The following TMEM140 variants were observed in gnomAD, a reference collection of about 807,000 sequenced individuals.
TMEM140 encodes the protein transmembrane protein 140.
For missense variants in TMEM140, 236 were observed against 228.5 expected, an observed-to-expected ratio of 1.03 and a Z score of -0.21; for synonymous variants, 107 against 106.8, an observed-to-expected ratio of 1.00 and a Z score of -0.01.
intron 1 of TMEM140, among the ~76,000 whole-genome samples, chr7:135,154,526 G>A (rs1585346588): frequency 6.6e-6 from 1 of 152,120 alleles, no homozygotes; most frequent in Admixed American, 6.5e-5. Flanking sequence ...TTCTTTTGCT[G>A]TAACCTGCAG....
intron 1 of TMEM140, among the ~76,000 whole-genome samples, chr7:135,150,264 T>C (rs2117421558): frequency 6.6e-6 from 1 of 152,340 alleles, no homozygotes; most frequent in Admixed American, 6.5e-5. Flanking sequence ...ATATCTCTTC[T>C]GAAGAGAGGC....
intron 1 of TMEM140, among the ~76,000 whole-genome samples, chr7:135,157,308 G>A (rs577032874): frequency 6.6e-6 from 1 of 152,310 alleles, no homozygotes; most frequent in Admixed American, 6.5e-5. Flanking sequence ...GCAGTCGTGT[G>A]ATCTTTCTAT....
chr7:135,151,083 TTA>T lies in TMEM140; in HGVS notation c.-25+2815_-25+2816del, dbSNP rs1829655884. 6.6e-6 allele frequency among the ~76,000 whole-genome samples: 1 copy of T among 152,190 alleles called. No individual in the cohort carries two copies. Among genetic ancestry groups the T allele is most frequent in the Non-Finnish European group, 1.5e-5 (1 of 68,032 alleles). On this transcript the variant is annotated intron_variant, in intron 1 of 1. Coordinates refer to ENST00000275767, the MANE Select transcript of TMEM140 (RefSeq NM_018295.5). This position sits in a 1 kb window ranked among gnomAD's most constrained non-coding sequence, Gnocchi z 4.3. ...GGTGCCTGGACTCATGCTTCTGACT[TTA>T]TGTTATAATCTCATGGTATAGTCCT...
intron 1 of TMEM140, 37 bp from the exon 2 acceptor site, chr7:135,164,381 A>T: frequency 6.7e-7 from 1 of 1,494,528 alleles, no homozygotes; most frequent in Non-Finnish European, 9.2e-7. Flanking sequence ...GGAACAAGCA[A>T]GGGAGAGATG....
Position 135,163,147 on chromosome 7 carries a change from T to A in TMEM140, c.-24-1271T>A, listed in dbSNP as rs116589835. Reference sequence around the variant, plus strand: ...GTGTAATGGATGATCCCACATGAACTATTGCACAGCCATTGATCATGTTTT... The same window carrying A: ...GTGTAATGGATGATCCCACATGAACAATTGCACAGCCATTGATCATGTTTT... On this transcript the variant is annotated intron_variant, in intron 1 of 1. Coordinates refer to ENST00000275767, the MANE Select transcript of TMEM140 (RefSeq NM_018295.5). Among the ~76,000 whole-genome samples, 375 of 152,332 alleles carry A rather than the reference T, an allele frequency of 2.5e-3. 2 individuals carry two copies. The highest frequency in any genetic ancestry group is 8.5e-3 in the African/African-American group (355 of 41,570).
chr7:135,158,636 A>G (rs191625898), intron 1 of TMEM140, among the ~76,000 whole-genome samples: 197 of 152,332 alleles, frequency 1.3e-3, no homozygotes, highest in African/African-American at 4.5e-3. Context: ...GCAGCCCAGC[A>G]TTAAACTCTC....
intron 1 of TMEM140, among the ~76,000 whole-genome samples, chr7:135,149,485 AAC>A (rs1829619430): frequency 6.6e-6 from 1 of 152,242 alleles, no homozygotes; most frequent in African/African-American, 2.4e-5. Flanking sequence ...TGCTGTGCTG[AAC>A]ATTCCTATGT....
chr7:135,163,225 A>G (rs1829992519), intron 1 of TMEM140, among the ~76,000 whole-genome samples: 1 of 152,276 alleles, frequency 6.6e-6, no homozygotes, highest in South Asian at 2.1e-4. Context: ...GTGAAAAAAC[A>G]TTACATTCAA....
rs569668912 is a variant in TMEM140, at chr7:135,153,822, T to C, written c.-25+5552T>C. On this transcript the variant is annotated intron_variant, in intron 1 of 1. Transcript: ENST00000275767. Reference sequence around the variant, plus strand: ...TTTCATTTTCTGCTGTGTCCTTGTCTGGTTTTTAGTATCAGGGTGACCCTG... The same window carrying C: ...TTTCATTTTCTGCTGTGTCCTTGTCCGGTTTTTAGTATCAGGGTGACCCTG... 2.6e-5 allele frequency among the ~76,000 whole-genome samples: 4 copies of C among 152,370 alleles called. No individual in the cohort carries two copies. The South Asian group carries it at 8.3e-4, about 32-fold the overall frequency.
intron 1 of TMEM140, 136 bp from the exon 2 acceptor site, chr7:135,164,282 G>A: frequency 1.5e-6 from 1 of 662,276 alleles, no homozygotes; most frequent in East Asian, 2.7e-5. Context: ...TCAGACTTCT[G>A]GTCCTTGGTG....
intron 1 of TMEM140, among the ~76,000 whole-genome samples, chr7:135,152,328 G>A (rs1829683933): frequency 6.6e-6 from 1 of 152,222 alleles, no homozygotes; most frequent in African/African-American, 2.4e-5. Context: ...ATCCACACAA[G>A]GGTGTTGTGA....
intron 1 of TMEM140, among the ~76,000 whole-genome samples, chr7:135,157,579 A>T (rs975579087): frequency 6.6e-6 from 1 of 152,096 alleles, no homozygotes; most frequent in African/African-American, 2.4e-5. Context: ...TAGTAGTGGG[A>T]GTGGTGAGCC....
At chr7:135,162,580 G>C (rs1192309480) in intron 1 of TMEM140, among the ~76,000 whole-genome samples, 1 of 152,212 alleles carries the variant, frequency 6.6e-6, no homozygotes, top group African/African-American at 2.4e-5. Context: ...GCAGGCAAGA[G>C]AACATGTGCA....
At position 135,164,666 on chromosome 7, in the gene TMEM140, G is replaced by A. The variant is rs1267771971; in HGVS notation, c.225G>A (p.Val75=). The change falls in exon 2 of 2, where the codon GTG becomes GTA. Residue 75 remains valine (V), a synonymous_variant. Transcript: ENST00000275767. The part of the protein sequence containing the change: ...HQFPELEALG[V]PRVGLGLARL... ...TCCCTGAGCTGGAAGCCCTGGGGGT[G>A]CCTCGGGTTGGCCTGGGCCTGGCCA... is the stretch of plus-strand genomic sequence containing the variant. 2 of 1,613,598 alleles carry A rather than the reference G, an allele frequency of 1.2e-6. No homozygotes were observed. Among genetic ancestry groups the A allele is most frequent in the Non-Finnish European group, 1.7e-6 (2 of 1,179,502 alleles).
chr7:135,153,540 T>C (rs958465751), intron 1 of TMEM140, among the ~76,000 whole-genome samples: 1 of 151,668 alleles, frequency 6.6e-6, no homozygotes, highest in Middle Eastern at 3.4e-3. Context: ...TGCTTATACA[T>C]TGTTGGTGGG....
intron 1 of TMEM140, among the ~76,000 whole-genome samples, chr7:135,149,533 G>GC (rs1829620445): frequency 6.6e-6 from 1 of 152,120 alleles, no homozygotes; most frequent in Non-Finnish European, 1.5e-5. Flanking sequence ...TGCTGTCTTA[G>GC]GATAGATTTA....
intron 1 of TMEM140, among the ~76,000 whole-genome samples, chr7:135,152,213 G>A (rs1275986643): frequency 1.3e-5 from 2 of 152,250 alleles, no homozygotes; most frequent in Admixed American, 6.5e-5. Context: ...GCTGGTGAAT[G>A]GAAGAGCAGA....
At chr7:135,163,735 G>A (rs1014523938) in intron 1 of TMEM140, among the ~76,000 whole-genome samples, 33 of 152,336 alleles carry the variant, frequency 2.2e-4, no homozygotes, top group African/African-American at 7.7e-4. Flanking sequence ...TTAAAGTAAT[G>A]AGTATATGAT....
In TMEM140 at chr7:135,165,060, G is replaced by A. The variant is rs945624202; in HGVS notation, c.*61G>A. The stretch of plus-strand genomic sequence containing the variant: ...TGGTCAGAGGTGGCACATCTGCTCA[G>A]CCATCTCATTTTACAGCTAACGCTG... On this transcript the variant is annotated 3_prime_UTR_variant, in exon 2 of 2. Coordinates refer to ENST00000275767, the MANE Select transcript of TMEM140 (RefSeq NM_018295.5). The A allele has an allele frequency of 1.6e-5, 24 of 1,498,066 alleles. No individual in the cohort carries two copies. The South Asian group carries it at 2.3e-4, about 14-fold the overall frequency. 92.8% of individuals were successfully genotyped at this position (1,498,066 alleles called of 1,614,324 possible). A position where few individuals can be genotyped will look rare whatever the true frequency, so the allele number is the denominator to read the frequency against.
Sources: allele counts gnomAD v4.1 joint callset (sites outside exome capture counted in the v4.1 genomes callset), GRCh38; gene constraint gnomAD v4.1.1; non-coding constraint Gnocchi (gnomAD v3.1); transcripts MANE v1.5; gene names NCBI Gene and HGNC (gene_info 2026-07-23, HGNC 2026-07-21).